MXI1: variants seen among roughly 807,000 people sequenced by gnomAD.
The protein encoded by MXI1 is MAX interactor 1, dimerization protein.
In MXI1, 18 loss-of-function variants were observed where a neutral mutation model predicts 36.9. That is an observed-to-expected ratio of 0.49 (90% CI 0.34 to 0.72). The LOEUF (loss-of-function observed/expected upper bound fraction) is 0.72, where lower values mean the gene tolerates loss of function less well. Among genes scored for constraint, MXI1 ranks in the 30% least tolerant of loss-of-function variants. The pLI is 0.01. For missense variants in MXI1, 304 were observed against 379.1 expected, an observed-to-expected ratio of 0.80 and a Z score of 1.64; for synonymous variants, 160 against 146.7, an observed-to-expected ratio of 1.09 and a Z score of -0.65.
At chr10:110,243,698 A>G (rs958973341) in intron 2 of MXI1, among the ~76,000 whole-genome samples, 2 of 152,170 alleles carry the variant, frequency 1.3e-5, no homozygotes, top group African/African-American at 4.8e-5. Context: ...GGGAACTAGT[A>G]TAACAATTCT....
intron 5 of MXI1, among the ~76,000 whole-genome samples, 158 bp from the exon 6 acceptor site, chr10:110,284,666 T>C (rs759071601): frequency 5.3e-5 from 8 of 152,094 alleles, no homozygotes; most frequent in Non-Finnish European, 1.0e-4. Context: ...GCAAAAAATA[T>C]TCCTGTCTCT....
intron 3 of MXI1, among the ~76,000 whole-genome samples, chr10:110,262,616 A>G (rs1856555828): frequency 6.6e-6 from 1 of 152,126 alleles, no homozygotes. Context: ...TGAGCCACTT[A>G]GTTTACAGTA....
At chr10:110,227,995 C>G (rs1855120037) in intron 1 of MXI1, 194 bp from the exon 2 acceptor site, 1 of 600,286 alleles carries the variant, frequency 1.7e-6, no homozygotes, top group Admixed American at 2.9e-5. Flanking sequence ...TATCAAAACA[C>G]CTTCCAGCTG....
At chr10:110,241,508 G>A (rs761921591) in intron 2 of MXI1, among the ~76,000 whole-genome samples, 4 of 151,844 alleles carry the variant, frequency 2.6e-5, no homozygotes, top group South Asian at 2.1e-4. Context: ...CTTGTTTATC[G>A]CCTGTACTGT....
chr10:110,255,018 C>G (rs533508638), intron 3 of MXI1, among the ~76,000 whole-genome samples: 69 of 152,084 alleles, frequency 4.5e-4, no homozygotes, highest in African/African-American at 1.6e-3. Context: ...AAGATGCCAT[C>G]CAGGACTTTC....
chr10:110,245,226 C>T (rs1855820698), intron 3 of MXI1, among the ~76,000 whole-genome samples: 3 of 152,064 alleles, frequency 2.0e-5, no homozygotes, highest in South Asian at 2.1e-4. Flanking sequence ...ATTTTTCTTC[C>T]TTTGTAATTT....
chr10:110,215,703 G>A (rs1000289121), intron 1 of MXI1, among the ~76,000 whole-genome samples: 2 of 152,204 alleles, frequency 1.3e-5, no homozygotes, highest in Non-Finnish European at 2.9e-5. Flanking sequence ...ATTTCAATTT[G>A]CCATACTTAG....
At chr10:110,247,041 G>A (rs144341608) in intron 3 of MXI1, among the ~76,000 whole-genome samples, 138 of 152,240 alleles carry the variant, frequency 9.1e-4, no homozygotes, top group African/African-American at 3.2e-3. Flanking sequence ...GTCCTTGGGA[G>A]ACCTTCATTG....
At chr10:110,213,866 G>C (rs1012080255) in intron 1 of MXI1, among the ~76,000 whole-genome samples, 1 of 152,248 alleles carries the variant, frequency 6.6e-6, no homozygotes, top group Admixed American at 6.5e-5. Context: ...GGGTGCTGGC[G>C]TGCAGCAGCA....
intron 3 of MXI1, among the ~76,000 whole-genome samples, chr10:110,274,237 G>A (rs1272577883): frequency 6.6e-6 from 1 of 152,088 alleles, no homozygotes; most frequent in African/African-American, 2.4e-5. Context: ...ATCCCACAAG[G>A]GGCTTGCCCT....
At position 110,232,703 on chromosome 10, in the gene MXI1, T is replaced by G. The variant is rs1855319459; in HGVS notation, c.407+4382T>G. ...GTTTTCAAACTCCAAGCAGACTGTCTTAAATTGAATTTCTTTTTTGTGCTG... is the reference window on the plus strand; with the variant it reads ...GTTTTCAAACTCCAAGCAGACTGTCGTAAATTGAATTTCTTTTTTGTGCTG... On this transcript the variant is annotated intron_variant, in intron 2 of 5. Coordinates refer to ENST00000332674, the MANE Select transcript of MXI1 (RefSeq NM_130439.3). 9.2e-5 allele frequency among the ~76,000 whole-genome samples: 14 copies of G among 152,350 alleles called. No homozygotes were observed. In the South Asian group the frequency reaches 2.3e-3, roughly 25 times the overall value.
At position 110,207,757 on chromosome 10, in the gene MXI1, C is replaced by A. The variant is rs1428408680; in HGVS notation, c.-52C>A. ...GTCTCCCTGGGGGCCCGGAGCTCGG[C>A]CGGGCCGCGCAGCCCCGTTAGAGGA... On this transcript the variant is annotated 5_prime_UTR_variant, in exon 1 of 6. Transcript: ENST00000332674. 4.7e-5 allele frequency: 52 copies of A among 1,112,436 alleles called. No homozygotes were observed. Among genetic ancestry groups the A allele is most frequent in the Non-Finnish European group, 5.5e-5 (50 of 908,028 alleles). The allele number at this position is 1,112,436 out of a possible 1,614,324, so 68.9% of individuals were successfully genotyped here.
At chr10:110,258,816 AC>A (rs752650554) in intron 3 of MXI1, among the ~76,000 whole-genome samples, 1 of 152,134 alleles carries the variant, frequency 6.6e-6, no homozygotes, top group Non-Finnish European at 1.5e-5. Flanking sequence ...AGATAGATTC[AC>A]AGTTTCTATA....
At chr10:110,275,687 A>G (rs1373937053) in intron 3 of MXI1, among the ~76,000 whole-genome samples, 1 of 152,152 alleles carries the variant, frequency 6.6e-6, no homozygotes, top group Non-Finnish European at 1.5e-5. Context: ...GCCATTAACC[A>G]TTTGTTATTC....
chr10:110,243,290 G>C (rs1032465052), intron 2 of MXI1, among the ~76,000 whole-genome samples: 33 of 152,032 alleles, frequency 2.2e-4, no homozygotes, highest in African/African-American at 7.2e-4. Context: ...CCTCAAAGGA[G>C]AAGTCCTTTT....
At chr10:110,269,607 G>C (rs989077240) in intron 3 of MXI1, among the ~76,000 whole-genome samples, 1 of 152,176 alleles carries the variant, frequency 6.6e-6, no homozygotes, top group Non-Finnish European at 1.5e-5. Flanking sequence ...TAGAAGAGAA[G>C]ACTTAATTCT....
chr10:110,272,419 A>T (rs925003475), intron 3 of MXI1, among the ~76,000 whole-genome samples: 4 of 152,216 alleles, frequency 2.6e-5, no homozygotes, highest in Admixed American at 2.0e-4. Context: ...TTGTTTTTAT[A>T]TAAAATATTT....
intron 2 of MXI1, among the ~76,000 whole-genome samples, chr10:110,237,259 G>A (rs1323980648): frequency 6.6e-6 from 1 of 152,114 alleles, no homozygotes; most frequent in African/African-American, 2.4e-5. Flanking sequence ...TGATGAGAGT[G>A]GACATTCTTG....
At chr10:110,244,517 A>G (rs1855789452) in intron 2 of MXI1, among the ~76,000 whole-genome samples, 1 of 151,776 alleles carries the variant, frequency 6.6e-6, no homozygotes, top group South Asian at 2.1e-4. Context: ...TTTCTTATAT[A>G]ACATCTGCAG....
Sources: allele counts gnomAD v4.1 joint callset (sites outside exome capture counted in the v4.1 genomes callset), GRCh38; gene constraint gnomAD v4.1.1; transcripts MANE v1.5; gene names NCBI Gene and HGNC (gene_info 2026-07-23, HGNC 2026-07-21).